MAPKAPK5: variants seen among roughly 807,000 people sequenced by gnomAD.
MAPKAPK5 encodes MAP kinase-activated protein kinase 5.
A neutral mutation model predicts 65.1 loss-of-function variants in MAPKAPK5; 30 were observed. That is an observed-to-expected ratio of 0.46 (90% confidence interval 0.34 to 0.63). The LOEUF is 0.63. MAPKAPK5 is among the 20% of genes least tolerant of loss of function. The pLI is 0.01. For synonymous variants in MAPKAPK5, 179 were observed against 204.6 expected (o/e 0.87, Z 1.07); for missense variants, 433 against 581.4 (o/e 0.74, Z 2.63).
At position 111,888,518 on chromosome 12, in the gene MAPKAPK5, G is replaced by A. The variant is rs770704768; in HGVS notation, c.1000G>A (p.Ala334Thr). Residue 334 changes from alanine (A) to threonine (T), a missense_variant, in exon 11 of 14, where the codon GCG becomes ACG. Ala to Thr is a moderately conservative substitution (Grantham distance 58, BLOSUM62 0). This residue lies in a region of MAPKAPK5 where 169 missense variants were observed against 215.6 expected (regional missense o/e 0.78). Coordinates refer to ENST00000550735, the MANE Select transcript of MAPKAPK5 (RefSeq NM_003668.4). ...AVVAGIQQAH[A>T]EQLANMRIQD... is the part of the protein sequence containing the mutation. The stretch of plus-strand genomic sequence containing the variant: ...GGTTGCAGGAATCCAGCAGGCTCAC[G>A]CGGAACAGTTGGCCAACATGAGAAT... The A allele has an allele frequency of 2.7e-5, 43 of 1,613,838 alleles. No individual in the cohort carries two copies. The highest frequency in any genetic ancestry group is 2.4e-5 in the Non-Finnish European group (28 of 1,179,888).
intron 1 of MAPKAPK5, among the ~76,000 whole-genome samples, chr12:111,852,033 CAG>C (rs539878284): frequency 2.0e-4 from 30 of 152,104 alleles, no homozygotes; most frequent in Non-Finnish European, 3.4e-4. Context: ...GTACAAGAAA[CAG>C]GGGCAGGAAA....
At chr12:111,857,337 G>A (rs2069277540) in intron 1 of MAPKAPK5, among the ~76,000 whole-genome samples, 1 of 151,836 alleles carries the variant, frequency 6.6e-6, no homozygotes, top group East Asian at 1.9e-4. Context: ...CACCTCCCGG[G>A]TTCAAGCAAT....
intron 3 of MAPKAPK5, 65 bp from the exon 4 acceptor site, chr12:111,867,507 C>T: frequency 8.6e-7 from 1 of 1,159,202 alleles, no homozygotes; most frequent in East Asian, 2.4e-5. Flanking sequence ...CTAGTATGGT[C>T]AGTTTTTGGA....
At chr12:111,843,211 AG>A in intron 1 of MAPKAPK5, 1 of 398,636 alleles carries the variant, frequency 2.5e-6, no homozygotes, top group Non-Finnish European at 4.4e-6. Context: ...AGTTGGAAAA[AG>A]GTGGTTCGCC....
intron 8 of MAPKAPK5, among the ~76,000 whole-genome samples, chr12:111,881,797 T>C (rs150883505): frequency 2.7e-3 from 416 of 152,266 alleles, no homozygotes; most frequent in Non-Finnish European, 4.9e-3. Flanking sequence ...AAGATGCTAC[T>C]TGGGGACTTG....
At chr12:111,891,386 G>A (rs1038286440) in intron 13 of MAPKAPK5, among the ~76,000 whole-genome samples, 11 of 151,758 alleles carry the variant, frequency 7.2e-5, no homozygotes, top group Non-Finnish European at 1.6e-4. Flanking sequence ...ACAGGTGTGA[G>A]CCACTGCACC....
At position 111,867,688 on chromosome 12, in the gene MAPKAPK5, A is replaced by G. The variant is rs748704963; in HGVS notation, c.284+19A>G. On this transcript the variant is annotated intron_variant, in intron 4 of 13. Transcript: ENST00000550735. ...GCCCTAGGTAAGACTACACAGTGTC[A>G]TCATCAAATGCCCACATGTAGGCCA... 3 of 1,584,002 alleles carry G rather than the reference A, an allele frequency of 1.9e-6. No homozygotes were observed. The Admixed American group carries it at 5.0e-5, about 26-fold the overall frequency.
chr12:111,857,116 T>C (rs1351589987), intron 1 of MAPKAPK5, among the ~76,000 whole-genome samples: 1 of 152,232 alleles, frequency 6.6e-6, no homozygotes, highest in Non-Finnish European at 1.5e-5. Context: ...CTTATTGTCA[T>C]GTATATCTTT....
chr12:111,872,510 T>G (rs1239110755), intron 7 of MAPKAPK5, among the ~76,000 whole-genome samples: 1 of 152,238 alleles, frequency 6.6e-6, no homozygotes, highest in Non-Finnish European at 1.5e-5. Flanking sequence ...ACACAGGTTC[T>G]TTGCCATATG....
At chr12:111,866,724 C>T (rs1445294684) in intron 3 of MAPKAPK5, among the ~76,000 whole-genome samples, 1 of 152,140 alleles carries the variant, frequency 6.6e-6, no homozygotes, top group Non-Finnish European at 1.5e-5. Context: ...ATTCTCCTGC[C>T]TCAGCCTCCC....
chr12:111,849,247 T>C (rs1023621868), intron 1 of MAPKAPK5, among the ~76,000 whole-genome samples: 11 of 150,832 alleles, frequency 7.3e-5, no homozygotes, highest in Non-Finnish European at 1.5e-4. Flanking sequence ...GTTCTTTTTT[T>C]TTTCTTTCTT....
At chr12:111,842,833 C>T (rs1383784323) in intron 1 of MAPKAPK5, 64 bp downstream of exon 1, 10 of 1,261,328 alleles carry the variant, frequency 7.9e-6, no homozygotes, top group African/African-American at 1.5e-5. Flanking sequence ...GCTCTAGCCT[C>T]AAAAAGCAGG....
rs2070491319 is a variant in MAPKAPK5 at position 111,888,565 on chromosome 12, C to T, written c.1047C>T (p.Leu349=). 6.2e-7 allele frequency: 1 copy of T among 1,613,872 alleles called. No homozygotes were observed. The highest frequency in any genetic ancestry group is 8.5e-7 in the Non-Finnish European group (1 of 1,179,898). The change falls in exon 11 of 14, where the codon CTC becomes CTT. Residue 349 remains leucine, a synonymous_variant. Coordinates refer to ENST00000550735, the MANE Select transcript of MAPKAPK5 (RefSeq NM_003668.4). ...GAATCCAGGATCTGAAAGTCAGCCT[C>T]AAACCCCTGCACTCAGTGAACAACC... The part of the protein sequence containing the change: ...NMRIQDLKVS[L]KPLHSVNNPI...
rs761037438 is a variant in MAPKAPK5, at chr12:111,901,220, C to A, written c.*8159C>A. 4.2e-5 allele frequency: 19 copies of A among 455,928 alleles called. No homozygotes were observed. Among genetic ancestry groups the A allele is most frequent in the Non-Finnish European group, 4.0e-5 (9 of 226,806 alleles). 28.2% of individuals were successfully genotyped at this position (455,928 alleles called of 1,614,324 possible). On this transcript the variant is annotated 3_prime_UTR_variant, in exon 14 of 14. Transcript: ENST00000550735. ...CAAACAAAGTCTGCCTGAATTCCGC[C>A]TGCACAGATAAAACCCCAGTGATTT...
chr12:111,871,370 G>C (rs2069777428), intron 7 of MAPKAPK5, among the ~76,000 whole-genome samples, 190 bp downstream of exon 7: 1 of 152,172 alleles, frequency 6.6e-6, no homozygotes, highest in South Asian at 2.1e-4. Flanking sequence ...GCCAGGTGCG[G>C]TGGCTCACGC....
chr12:111,882,649 T>G (rs1231100914), intron 8 of MAPKAPK5: 1 of 179,866 alleles, frequency 5.6e-6, no homozygotes, highest in Non-Finnish European at 1.1e-5. Flanking sequence ...GTCACCTTAC[T>G]ACCTGCAGAC....
At chr12:111,878,666 G>A (rs1474506789) in intron 7 of MAPKAPK5, among the ~76,000 whole-genome samples, 2 of 151,990 alleles carry the variant, frequency 1.3e-5, no homozygotes, top group African/African-American at 4.8e-5. Context: ...TGATCCTCCT[G>A]CCTCGGCCTC....
chr12:111,889,863 C>T, intron 12 of MAPKAPK5, 177 bp from the exon 13 acceptor site: 1 of 553,304 alleles, frequency 1.8e-6, no homozygotes, highest in Non-Finnish European at 3.3e-6. Flanking sequence ...AAAGAGTCCA[C>T]ATACCAGATG....
intron 1 of MAPKAPK5, among the ~76,000 whole-genome samples, chr12:111,847,460 C>T (rs991675735): frequency 6.6e-5 from 10 of 152,026 alleles, no homozygotes; most frequent in African/African-American, 1.9e-4. Context: ...CATGACTTTG[C>T]TACACCCAAG....
Sources: gnomAD v4.1 joint callset for allele counts (sites outside exome capture counted in the v4.1 genomes callset) on GRCh38, gnomAD v4.1.1 for gene constraint, gnomAD v4.1.1 regional missense constraint, MANE v1.5 for transcripts, NCBI Gene and HGNC (gene_info 2026-07-23, HGNC 2026-07-21) for gene names.